CLNK: variants seen among roughly 807,000 people sequenced by gnomAD.
CLNK encodes cytokine-dependent hematopoietic cell linker.
In CLNK, 74 loss-of-function variants were observed where a neutral mutation model predicts 68.6. That is an observed-to-expected ratio of 1.08 (90% confidence interval 0.89 to 1.31). The LOEUF (loss-of-function observed/expected upper bound fraction) is 1.31. CLNK is among the 50% of genes most tolerant of loss of function. CLNK has a pLI of 0.00. For synonymous variants in CLNK, 198 were observed against 172.2 expected, an observed-to-expected ratio of 1.15 and a Z score of -1.17; for missense variants, 553 against 515.3, an observed-to-expected ratio of 1.07 and a Z score of -0.71.
Position 10,489,889 on chromosome 4 carries a change from A to G in CLNK, c.*578T>C, listed in dbSNP as rs2109013965. The G allele has an allele frequency of 6.6e-6, 1 of 152,094 alleles. No individual in the cohort carries two copies. Among genetic ancestry groups the G allele is most frequent in the East Asian group, 1.9e-4 (1 of 5,190 alleles). 9.4% of individuals were successfully genotyped at this position (152,094 alleles called of 1,614,324 possible). A position where few individuals can be genotyped will look rare whatever the true frequency, so the allele number is the denominator to read the frequency against. On this transcript the variant is annotated 3_prime_UTR_variant, in exon 19 of 19. Transcript: ENST00000226951. The stretch of plus-strand genomic sequence containing the variant: ...CACCATGTTAGCCAGGATGGTCTTG[A>G]TCTCCTGACCTCGTGATCTGTCCAC...
chr4:10,568,367 C>T (rs1720206244), intron 5 of CLNK, among the ~76,000 whole-genome samples: 1 of 151,904 alleles, frequency 6.6e-6, no homozygotes, highest in Admixed American at 6.6e-5. Context: ...TTAATATTTG[C>T]CAAGGTCTGG....
intron 2 of CLNK, among the ~76,000 whole-genome samples, chr4:10,605,724 A>T (rs1011194031): frequency 2.1e-5 from 3 of 146,110 alleles, no homozygotes; most frequent in Non-Finnish European, 4.5e-5. Flanking sequence ...GCTACTTGGG[A>T]GGCTGAGGCA....
At chr4:10,620,842 C>A (rs1332119812) in intron 2 of CLNK, among the ~76,000 whole-genome samples, 1 of 152,020 alleles carries the variant, frequency 6.6e-6, no homozygotes, top group Admixed American at 6.6e-5. Flanking sequence ...GTGGCTCACA[C>A]CTGTAATCCC....
intron 13 of CLNK, among the ~76,000 whole-genome samples, chr4:10,527,237 G>A (rs985476411): frequency 6.6e-6 from 1 of 152,184 alleles, no homozygotes; most frequent in Non-Finnish European, 1.5e-5. Context: ...TGTCGGAAAG[G>A]GCATGGTTTC....
chr4:10,594,043 T>C (rs1246879381), intron 3 of CLNK, among the ~76,000 whole-genome samples: 1 of 152,170 alleles, frequency 6.6e-6, no homozygotes, highest in East Asian at 1.9e-4. Flanking sequence ...CCTGCGTCTG[T>C]GTCTGCCATG....
the CLNK span, among the ~76,000 whole-genome samples, chr4:10,690,395 G>A: frequency 6.6e-6 from 1 of 152,130 alleles, no homozygotes; most frequent in Non-Finnish European, 1.5e-5. Flanking sequence ...GCCTCGTTTT[G>A]TTGCATTCGT....
At chr4:10,684,874 G>C (rs910260451), upstream of CLNK, 1 of 152,178 alleles carries the variant, frequency 6.6e-6, no homozygotes, top group Admixed American at 6.6e-5. Flanking sequence ...CCACAGACCT[G>C]AGAGGTCTGA....
intron 2 of CLNK, among the ~76,000 whole-genome samples, chr4:10,612,174 C>A (rs61794851): frequency 1.2e-4 from 19 of 152,162 alleles, no homozygotes; most frequent in African/African-American, 4.6e-4. Flanking sequence ...CATCTCTCAG[C>A]GAAAAAAATG....
At chr4:10,494,162 C>T (rs1028095464) in intron 18 of CLNK, among the ~76,000 whole-genome samples, 3 of 152,282 alleles carry the variant, frequency 2.0e-5, no homozygotes, top group Middle Eastern at 3.4e-3. Flanking sequence ...TGTCTTCATG[C>T]TTGCTAAAAC....
At chr4:10,578,711 C>G (rs893408551) in intron 4 of CLNK, among the ~76,000 whole-genome samples, 6 of 151,088 alleles carry the variant, frequency 4.0e-5, no homozygotes, top group Non-Finnish European at 7.4e-5. Context: ...CTCTCAGCCT[C>G]CTGAGCAGCA....
At chr4:10,673,974 C>T (rs1246926635) in intron 1 of CLNK, among the ~76,000 whole-genome samples, 2 of 152,204 alleles carry the variant, frequency 1.3e-5, no homozygotes, top group African/African-American at 4.8e-5. Flanking sequence ...TTCAGTTTCT[C>T]TTCCTGGTTA....
chr4:10,606,043 A>C (rs942231333), intron 2 of CLNK, among the ~76,000 whole-genome samples: 4 of 152,044 alleles, frequency 2.6e-5, no homozygotes, highest in Non-Finnish European at 4.4e-5. Context: ...CTTTTCTTTA[A>C]ACTTAGCTTA....
the CLNK span, among the ~76,000 whole-genome samples, chr4:10,725,606 C>T: frequency 2.0e-5 from 3 of 152,244 alleles, no homozygotes; most frequent in East Asian, 5.8e-4. Context: ...TAAAAGTTTA[C>T]ACTTTGGGAG....
intron 12 of CLNK, among the ~76,000 whole-genome samples, chr4:10,530,731 A>G (rs994078869): frequency 2.0e-5 from 3 of 152,106 alleles, no homozygotes; most frequent in Non-Finnish European, 4.4e-5. Flanking sequence ...GCAGCACCCA[A>G]CTACTACTCG....
chr4:10,613,299 C>A (rs1434426468), intron 2 of CLNK, among the ~76,000 whole-genome samples: 3 of 152,016 alleles, frequency 2.0e-5, no homozygotes, highest in Non-Finnish European at 4.4e-5. Flanking sequence ...TCAAGGTGAG[C>A]CTTGCTGGAA....
intron 7 of CLNK, among the ~76,000 whole-genome samples, chr4:10,563,030 G>A (rs976350678): frequency 3.3e-5 from 5 of 152,272 alleles, no homozygotes; most frequent in Admixed American, 6.5e-5. Flanking sequence ...TGCTGTGCCC[G>A]TGTAAAAAGG....
At chr4:10,520,726 C>A (rs1718026216) in intron 15 of CLNK, 65 bp downstream of exon 15, 1 of 1,258,048 alleles carries the variant, frequency 7.9e-7, no homozygotes, top group Admixed American at 1.9e-5. Flanking sequence ...AGCTAAGTCA[C>A]AGTGCCACAA....
chr4:10,530,229 C>A (rs931440680), intron 12 of CLNK, among the ~76,000 whole-genome samples: 1 of 152,126 alleles, frequency 6.6e-6, no homozygotes, highest in Non-Finnish European at 1.5e-5. Flanking sequence ...AGTTTGCCAC[C>A]TCTCCGGGGT....
chr4:10,567,476 A>G (rs995738978), intron 5 of CLNK, among the ~76,000 whole-genome samples: 1 of 152,226 alleles, frequency 6.6e-6, no homozygotes, highest in African/African-American at 2.4e-5. Flanking sequence ...AGCTAAAACT[A>G]TAAAACCCTT....
Sources: gnomAD v4.1 joint callset for allele counts (sites outside exome capture counted in the v4.1 genomes callset) on GRCh38, gnomAD v4.1.1 for gene constraint, MANE v1.5 for transcripts, NCBI Gene and HGNC (gene_info 2026-07-23, HGNC 2026-07-21) for gene names.